The following LHX8 variants were observed in gnomAD, a reference collection of about 807,000 sequenced individuals.
The protein encoded by LHX8 is LIM homeobox 8.
Under a neutral mutation model 40.3 loss-of-function variants are expected in LHX8, and 12 were observed. The observed-to-expected ratio is 0.30, with a 90% CI of 0.19 to 0.48. LHX8 has a LOEUF of 0.48. LHX8 is among the 20% of genes least tolerant of loss of function. The pLI is 0.99. For synonymous variants in LHX8, 179 were observed against 162.0 expected (o/e 1.10, Z -0.80); for missense variants, 344 against 433.7 (o/e 0.79, Z 1.84).
At chr1:75,166,300 C>T (rs906571587), downstream of LHX8, among the ~76,000 whole-genome samples, 4 of 152,194 alleles carry the variant, frequency 2.6e-5, no homozygotes, top group African/African-American at 9.7e-5. Context: ...TACATTAACT[C>T]CCTTCTTGAT....
intron 7 of LHX8, among the ~76,000 whole-genome samples, chr1:75,154,996 C>A (rs1485272594): frequency 6.6e-6 from 1 of 152,070 alleles, no homozygotes; most frequent in Non-Finnish European, 1.5e-5. Context: ...CTTATAAATT[C>A]TTTGCAGCTT....
At chr1:75,132,856 C>T (rs1311141573), upstream of LHX8, 1 of 152,108 alleles carries the variant, frequency 6.6e-6, no homozygotes, top group Non-Finnish European at 1.5e-5. Flanking sequence ...GCTCTATACA[C>T]GACCTGATGG....
rs1486784335 is a variant in LHX8 at position 75,161,198 on chromosome 1, AAAAG to A, written c.*308_*311del. Reference sequence around the variant, plus strand: ...TTGTCATCAAAAGAGCACTTTGCCTAAAAGAAAGGACTGACAAGTGTGCAAAATG... The same window carrying A: ...TTGTCATCAAAAGAGCACTTTGCCTAAAAGGACTGACAAGTGTGCAAAATG... On this transcript the variant is annotated 3_prime_UTR_variant, in exon 9 of 9. Transcript: ENST00000356261. The A allele has an allele frequency of 1.2e-5, 4 of 324,070 alleles. No homozygotes were observed. Among genetic ancestry groups the A allele is most frequent in the African/African-American group, 4.3e-5 (2 of 46,386 alleles). The allele number at this position is 324,070 out of a possible 1,614,324, so 20.1% of individuals were successfully genotyped here. A position where few individuals can be genotyped will look rare whatever the true frequency, so the allele number is the denominator to read the frequency against.
intron 7 of LHX8, 73 bp downstream of exon 7, chr1:75,148,755 C>A: frequency 9.6e-7 from 1 of 1,040,468 alleles, no homozygotes; most frequent in Non-Finnish European, 1.5e-6. Context: ...GTTGCCCAGA[C>A]TGATCTTGAA....
chr1:75,152,924 G>GT (rs920911034), intron 7 of LHX8, among the ~76,000 whole-genome samples: 41 of 152,188 alleles, frequency 2.7e-4, no homozygotes, highest in African/African-American at 9.4e-4. Flanking sequence ...AAGACCGTAT[G>GT]TTTTTAGCTC....
chr1:75,170,981 A>G, the LHX8 span, among the ~76,000 whole-genome samples: 1 of 152,204 alleles, frequency 6.6e-6, no homozygotes, highest in South Asian at 2.1e-4. Context: ...GAGGCTCAGC[A>G]CGGCCAAATA....
the LHX8 span, among the ~76,000 whole-genome samples, chr1:75,173,647 G>A: frequency 5.3e-5 from 8 of 152,016 alleles, no homozygotes; most frequent in African/African-American, 1.7e-4. Flanking sequence ...CTCCCAAAAT[G>A]CTGGGATTAC....
rs1648075562 is a variant in LHX8, at chr1:75,134,912, T to C, written c.-55T>C. 2 of 985,176 alleles carry C rather than the reference T, an allele frequency of 2.0e-6. No individual in the cohort carries two copies. Among genetic ancestry groups the C allele is most frequent in the Admixed American group, 6.2e-5 (1 of 16,252 alleles). 61.0% of individuals were successfully genotyped at this position (985,176 alleles called of 1,614,324 possible). ...TTAACCTGAGACATGGAGACTGTAA[T>C]TTGGGAGATGAAGCCTCGAGCCTAA... On this transcript the variant is annotated 5_prime_UTR_variant, in exon 1 of 9. Transcript: ENST00000356261.
the LHX8 span, among the ~76,000 whole-genome samples, chr1:75,188,063 A>G: frequency 6.6e-6 from 1 of 152,162 alleles, no homozygotes; most frequent in Non-Finnish European, 1.5e-5. Flanking sequence ...AGGGTCAGAA[A>G]TCATGTTGAG....
In LHX8 at chr1:75,158,133, C is replaced by T. The variant is rs146851914; in HGVS notation, c.964+1057C>T. Among the ~76,000 whole-genome samples the T allele has an allele frequency of 4.9e-3, 739 of 152,280 alleles. 7 individuals carry two copies. The highest frequency in any genetic ancestry group is 0.017 in the African/African-American group (698 of 41,544). Reference sequence around the variant, plus strand: ...GCAGTGCAATCTTATTTTAATTTGCCTTTCCCTGATGACTGAGCATTTTTT... The same window carrying T: ...GCAGTGCAATCTTATTTTAATTTGCTTTTCCCTGATGACTGAGCATTTTTT... On this transcript the variant is annotated intron_variant, in intron 8 of 8. Transcript: ENST00000356261.
the LHX8 span, among the ~76,000 whole-genome samples, chr1:75,177,168 G>A: frequency 6.6e-6 from 1 of 152,066 alleles, no homozygotes; most frequent in Non-Finnish European, 1.5e-5. Flanking sequence ...CTCTTTTTTG[G>A]TTCCATATGA....
rs201945188 is a variant in LHX8 at position 75,156,977 on chromosome 1, C to A, written c.865C>A (p.Pro289Thr). The A allele has an allele frequency of 4.3e-6, 7 of 1,614,156 alleles. No homozygotes were observed. The highest frequency in any genetic ancestry group is 5.9e-6 in the Non-Finnish European group (7 of 1,180,016). Residue 289 changes from proline to threonine, a missense_variant, in exon 8 of 9, where the codon CCC becomes ACC. By Grantham distance (38) the Pro-to-Thr change is conservative. This residue lies in a region of LHX8 where 89 missense variants were observed against 92.8 expected (regional missense o/e 0.96). Coordinates refer to ENST00000356261, the MANE Select transcript of LHX8 (RefSeq NM_001256114.2). ...CTCCACCCCAGTCACAGCAGTCCCA[C>A]CCTCCAGGCTGTCTCCACCCATGTT... ...SSSTPVTAVP[P>T]SRLSPPMLEE...
chr1:75,148,523 A>G lies in LHX8; in HGVS notation c.685-64A>G. On this transcript the variant is annotated intron_variant, in intron 6 of 8. Coordinates refer to ENST00000356261, the MANE Select transcript of LHX8 (RefSeq NM_001256114.2). ...GCATGTCTTACCTCTTATGATAAAA[A>G]TGCAGGAAGAAGACTGAGCTGCTTG... 3.6e-6 allele frequency: 4 copies of G among 1,109,984 alleles called. No homozygotes were observed. In the South Asian group the frequency reaches 5.0e-5, roughly 14 times the overall value. 68.8% of individuals were successfully genotyped at this position (1,109,984 alleles called of 1,614,324 possible). A position where few individuals can be genotyped will look rare whatever the true frequency, so the allele number is the denominator to read the frequency against.
At chr1:75,181,732 G>A in the LHX8 span, among the ~76,000 whole-genome samples, 310 of 152,330 alleles carry the variant, frequency 2.0e-3, 2 homozygotes, top group African/African-American at 6.9e-3. Context: ...CCAATGAGAT[G>A]AACCAAATAC....
chr1:75,173,934 C>T, the LHX8 span, among the ~76,000 whole-genome samples: 1 of 151,746 alleles, frequency 6.6e-6, no homozygotes, highest in African/African-American at 2.4e-5. Context: ...CAAAATGCTC[C>T]AAAATCCGAA....
chr1:75,151,039 A>C (rs1648596034), intron 7 of LHX8, among the ~76,000 whole-genome samples: 2 of 152,178 alleles, frequency 1.3e-5, no homozygotes. Flanking sequence ...AGTAACCATA[A>C]AAGGCAAGAG....
At chr1:75,132,210 C>T (rs1001708085), upstream of LHX8, 3 of 152,218 alleles carry the variant, frequency 2.0e-5, no homozygotes, top group African/African-American at 7.2e-5. Flanking sequence ...TACGCCCACC[C>T]CTGACAAAAG....
the LHX8 span, among the ~76,000 whole-genome samples, chr1:75,193,973 A>G: frequency 6.6e-6 from 1 of 152,292 alleles, no homozygotes; most frequent in Admixed American, 6.5e-5. Flanking sequence ...TTATATTTAT[A>G]CATCTGACCC....
chr1:75,136,676 G>A lies in LHX8; in HGVS notation c.62G>A (p.Gly21Glu). Reference protein sequence around the residue: ...LAAGRTRKGAGEEGLVSPEGA... With the variant: ...LAAGRTRKGAEEEGLVSPEGA... ...GCCGGGAGGACTCGCAAAGGCGCCG[G>A]GGAAGAGGGACTGGTGAGTGCGGAG... is the stretch of plus-strand genomic sequence containing the variant. The change falls in exon 2 of 9, where the codon GGG becomes GAG. Residue 21 changes from glycine (G) to glutamate (E), a missense_variant. Physicochemically the swap from Gly to Glu is moderately conservative, Grantham distance 98. Transcript: ENST00000356261. 6.5e-7 allele frequency: 1 copy of A among 1,546,354 alleles called. No homozygotes were observed. The highest frequency in any genetic ancestry group is 8.7e-7 in the Non-Finnish European group (1 of 1,146,592).
Sources: allele counts gnomAD v4.1 joint callset (sites outside exome capture counted in the v4.1 genomes callset), GRCh38; gene constraint gnomAD v4.1.1; regional missense constraint gnomAD v4.1.1; transcripts MANE v1.5; gene names NCBI Gene and HGNC (gene_info 2026-07-23, HGNC 2026-07-21).